The following ARK2C variants were observed in gnomAD, a reference collection of about 807,000 sequenced individuals.
ARK2C encodes arkadia (RNF111) C-terminal like ring finger ubiquitin ligase 2C.
chr18:46,368,800 T>C, the ARK2C span, among the ~76,000 whole-genome samples: 7 of 152,224 alleles, frequency 4.6e-5, no homozygotes, highest in African/African-American at 7.2e-5. Flanking sequence ...GGGGAAATCA[T>C]TGAACATCTT....
chr18:46,350,089 A>G, the ARK2C span, among the ~76,000 whole-genome samples: 3 of 152,210 alleles, frequency 2.0e-5, no homozygotes, highest in Non-Finnish European at 4.4e-5. Flanking sequence ...TGCATACCCC[A>G]TGATACATAC....
the ARK2C span, chr18:46,460,494 CTTAT>C: frequency 5.3e-5 from 8 of 151,546 alleles, no homozygotes; most frequent in African/African-American, 1.9e-4. Flanking sequence ...ATCGTGGGTT[CTTAT>C]TTAATTATTT....
At chr18:46,354,908 G>T in the ARK2C span, among the ~76,000 whole-genome samples, 1 of 152,032 alleles carries the variant, frequency 6.6e-6, no homozygotes, top group Non-Finnish European at 1.5e-5. Flanking sequence ...ATGAGACCTA[G>T]ATTTCTTTTT....
the ARK2C span, among the ~76,000 whole-genome samples, chr18:46,379,705 A>G: frequency 3.9e-5 from 6 of 152,276 alleles, no homozygotes; most frequent in East Asian, 1.2e-3. Context: ...TCATTCAGCC[A>G]CCCTGGGGAG....
the ARK2C span, among the ~76,000 whole-genome samples, chr18:46,411,666 G>T: frequency 6.6e-6 from 1 of 152,148 alleles, no homozygotes; most frequent in Non-Finnish European, 1.5e-5. Flanking sequence ...ATCTTAGTTG[G>T]GGACCTTGAA....
chr18:46,344,442 G>A, the ARK2C span, among the ~76,000 whole-genome samples: 6 of 125,156 alleles, frequency 4.8e-5, no homozygotes, highest in African/African-American at 9.1e-5. Context: ...GGCCCCCTCC[G>A]GGCTGCCTGT....
chr18:46,442,771 T>G, the ARK2C span, among the ~76,000 whole-genome samples: 8 of 152,322 alleles, frequency 5.3e-5, no homozygotes, highest in South Asian at 1.2e-3. Flanking sequence ...ACTCTACTTA[T>G]GAATTTGTTT....
At chr18:46,350,041 G>T in the ARK2C span, among the ~76,000 whole-genome samples, 1 of 152,172 alleles carries the variant, frequency 6.6e-6, no homozygotes, top group African/African-American at 2.4e-5. Context: ...TACATGCACA[G>T]ACTCATACCA....
chr18:46,441,784 A>C, the ARK2C span, among the ~76,000 whole-genome samples: 2 of 146,052 alleles, frequency 1.4e-5, no homozygotes, highest in Admixed American at 1.4e-4. Context: ...GCTACTCGGG[A>C]GGCTGAGGCA....
At chr18:46,445,764 C>T in the ARK2C span, among the ~76,000 whole-genome samples, 1 of 152,180 alleles carries the variant, frequency 6.6e-6, no homozygotes, top group Non-Finnish European at 1.5e-5. Flanking sequence ...GTCTGCATTG[C>T]TTGTTATATA....
At chr18:46,451,179 T>A in the ARK2C span, among the ~76,000 whole-genome samples, 1 of 152,200 alleles carries the variant, frequency 6.6e-6, no homozygotes, top group Non-Finnish European at 1.5e-5. Flanking sequence ...AAAATAATTC[T>A]ATGTCCAATC....
the ARK2C span, among the ~76,000 whole-genome samples, chr18:46,362,060 C>T: frequency 2.6e-5 from 4 of 152,214 alleles, no homozygotes; most frequent in African/African-American, 9.7e-5. Flanking sequence ...AGTTAGCCTG[C>T]CAAAGGCCCC....
the ARK2C span, among the ~76,000 whole-genome samples, chr18:46,374,167 C>T: frequency 1.1e-4 from 16 of 152,208 alleles, no homozygotes; most frequent in African/African-American, 3.1e-4. Flanking sequence ...TGAACGAGTC[C>T]GAGAAACTCA....
the ARK2C span, among the ~76,000 whole-genome samples, chr18:46,409,629 G>A: frequency 6.6e-6 from 1 of 151,928 alleles, no homozygotes; most frequent in Admixed American, 6.6e-5. Flanking sequence ...TGGGGGTCAG[G>A]CAGTCTCAGT....
chr18:46,349,532 C>G, the ARK2C span, among the ~76,000 whole-genome samples: 1 of 152,192 alleles, frequency 6.6e-6, no homozygotes, highest in African/African-American at 2.4e-5. Context: ...AGCACCTACT[C>G]TAGAGAACTC....
At chr18:46,410,891 C>T in the ARK2C span, among the ~76,000 whole-genome samples, 1 of 152,216 alleles carries the variant, frequency 6.6e-6, no homozygotes, top group Admixed American at 6.5e-5. Flanking sequence ...TACGGGAGGC[C>T]CTGCCTCACC....
the ARK2C span, among the ~76,000 whole-genome samples, chr18:46,387,314 A>G: frequency 2.4e-4 from 37 of 152,310 alleles, 1 homozygote; most frequent in South Asian, 3.9e-3. Flanking sequence ...CTGCATTGAA[A>G]CAAGCCCCCA....
the ARK2C span, among the ~76,000 whole-genome samples, chr18:46,441,952 CA>C: frequency 6.6e-6 from 1 of 150,734 alleles, no homozygotes; most frequent in Non-Finnish European, 1.5e-5. Context: ...ATCACGAGGT[CA>C]GGGGATCGAG....
At chr18:46,433,629 C>G in the ARK2C span, 2 of 855,846 alleles carry the variant, frequency 2.3e-6, no homozygotes, top group Admixed American at 5.9e-5. Flanking sequence ...GGCGGGGCTA[C>G]AGGCTCCTAG....
Sources: allele counts gnomAD v4.1 joint callset (sites outside exome capture counted in the v4.1 genomes callset), GRCh38; gene constraint gnomAD v4.1.1; transcripts MANE v1.5; gene names NCBI Gene and HGNC (gene_info 2026-07-23, HGNC 2026-07-21).